Variants in KIAA1217 observed in about 807,000 individuals in gnomAD.
The protein encoded by KIAA1217 is KIAA1217.
In KIAA1217, 88 loss-of-function variants were observed where a neutral mutation model predicts 163.9. The ratio of observed to expected loss-of-function variants is 0.54; its 90% CI spans 0.45 to 0.64. KIAA1217 has a LOEUF of 0.64. KIAA1217 is among the 30% of genes least tolerant of loss of function. The probability of loss-of-function intolerance (pLI) is 0.00; values close to 1 mark genes in which losing one functional copy is unlikely to be tolerated. For missense variants in KIAA1217, 2,372 were observed against 2,475.0 expected (o/e 0.96, Z 0.88); for synonymous variants, 903 against 923.1 (o/e 0.98, Z 0.39).
chr10:24,189,992 G>A (rs1443663199), intron 2 of KIAA1217, among the ~76,000 whole-genome samples: 6 of 150,234 alleles, frequency 4.0e-5, no homozygotes, highest in African/African-American at 1.5e-4. Flanking sequence ...CTGTGCTCCA[G>A]CCTGGGTGAC....
intron 2 of KIAA1217, among the ~76,000 whole-genome samples, chr10:24,226,634 T>C (rs138343460): frequency 0.014 from 2,132 of 151,456 alleles, 40 homozygotes; most frequent in African/African-American, 0.048. Context: ...AGAGCGAGAC[T>C]CCATCTCAAA....
chr10:24,275,193 G>A (rs148544470), intron 2 of KIAA1217, among the ~76,000 whole-genome samples: 117 of 152,212 alleles, frequency 7.7e-4, no homozygotes, highest in African/African-American at 2.6e-3. Flanking sequence ...TATATTCCAG[G>A]CTGGTCTTGA....
At chr10:23,868,223 A>G (rs1015936762) in intron 1 of KIAA1217, among the ~76,000 whole-genome samples, 2 of 152,018 alleles carry the variant, frequency 1.3e-5, no homozygotes, top group Non-Finnish European at 2.9e-5. Flanking sequence ...TCAACCCACA[A>G]AATAACTCCT....
At chr10:24,522,137 C>A (rs2071386996) in intron 12 of KIAA1217, among the ~76,000 whole-genome samples, 1 of 152,058 alleles carries the variant, frequency 6.6e-6, no homozygotes, top group African/African-American at 2.4e-5. Flanking sequence ...CTAGGTGGAG[C>A]CCATCCTAGG....
chr10:24,391,154 T>C (rs761944670), intron 3 of KIAA1217, among the ~76,000 whole-genome samples: 1 of 151,990 alleles, frequency 6.6e-6, no homozygotes, highest in Non-Finnish European at 1.5e-5. Flanking sequence ...AGATGGGACA[T>C]AGGTAAAAAA....
intron 3 of KIAA1217, among the ~76,000 whole-genome samples, chr10:24,397,272 TAG>T (rs1339938708): frequency 6.6e-6 from 1 of 152,120 alleles, no homozygotes; most frequent in African/African-American, 2.4e-5. Context: ...GTATTTTTAA[TAG>T]AGACAGGATT....
At chr10:23,880,833 C>A (rs2131188285) in intron 1 of KIAA1217, among the ~76,000 whole-genome samples, 1 of 152,058 alleles carries the variant, frequency 6.6e-6, no homozygotes, top group South Asian at 2.1e-4. Context: ...ATGGACAGTT[C>A]AAGGTCACAG....
chr10:24,239,063 C>T, intron 2 of KIAA1217: 2 of 710,880 alleles, frequency 2.8e-6, no homozygotes, highest in Non-Finnish European at 3.5e-6. Flanking sequence ...TTAGGGTTTC[C>T]ATGGAGATTT....
chr10:24,369,414 C>A (rs2051258087), intron 2 of KIAA1217, among the ~76,000 whole-genome samples: 1 of 152,120 alleles, frequency 6.6e-6, no homozygotes, highest in Non-Finnish European at 1.5e-5. Flanking sequence ...TCCCTGTGGC[C>A]TTCTCCACTG....
At chr10:24,460,820 C>T (rs1343799778) in intron 5 of KIAA1217, among the ~76,000 whole-genome samples, 2 of 152,098 alleles carry the variant, frequency 1.3e-5, no homozygotes, top group Non-Finnish European at 2.9e-5. Context: ...GACGGTAACC[C>T]AGGTCCACAG....
rs777651861 is a variant in KIAA1217, at chr10:24,219,818, G to C, written c.263G>C (p.Arg88Pro). 1 of 1,613,940 alleles carries C rather than the reference G, an allele frequency of 6.2e-7. No homozygotes were observed. The highest frequency in any genetic ancestry group is 1.1e-5 in the South Asian group (1 of 91,078). Residue 88 changes from arginine to proline, a missense_variant, in exon 2 of 21, where the codon CGG becomes CCG. Transcript: ENST00000376454. ...GGAATGCAAACATCTGAGATGGATC[G>C]GAAGAGAGAAGCGTTCCTAGAACAT... is the stretch of plus-strand genomic sequence containing the variant. Reference protein sequence around the residue: ...ILGMQTSEMDRKREAFLEHLK... With the variant: ...ILGMQTSEMDPKREAFLEHLK...
intron 5 of KIAA1217, among the ~76,000 whole-genome samples, chr10:24,457,403 G>A (rs1030504209): frequency 6.7e-6 from 1 of 149,918 alleles, no homozygotes; most frequent in Non-Finnish European, 1.5e-5. Flanking sequence ...GAACAGGATC[G>A]TATTCTGTCA....
Position 24,543,519 on chromosome 10 carries a change from G to A in KIAA1217, c.4249G>A (p.Asp1417Asn), listed in dbSNP as rs200657746. The A allele has an allele frequency of 2.0e-4, 321 of 1,614,054 alleles. No homozygotes were observed. The highest frequency in any genetic ancestry group is 3.7e-4 in the Admixed American group (22 of 59,996). The change falls in exon 19 of 21, where the codon GAT becomes AAT. Residue 1417 changes from aspartate (D) to asparagine (N), a missense_variant. Physicochemically the swap from Asp to Asn is conservative, Grantham distance 23. Coordinates refer to ENST00000376454, the MANE Select transcript of KIAA1217 (RefSeq NM_019590.5). The stretch of plus-strand genomic sequence containing the variant: ...AGAAGACATACAGACGGTTAATATC[G>A]ATGCCAGAAAAGAGATGACCCCCCG... The part of the protein sequence containing the change: ...KGEDIQTVNI[D>N]ARKEMTPRQE...
Position 24,414,096 on chromosome 10 carries a change from A to G in KIAA1217, c.554-18899A>G, listed in dbSNP as rs535529787. 7.9e-5 allele frequency among the ~76,000 whole-genome samples: 12 copies of G among 152,334 alleles called. No homozygotes were observed. The South Asian group carries it at 1.0e-3, about 13-fold the overall frequency. The stretch of plus-strand genomic sequence containing the variant: ...GTTTAATGCAATACTGTTTCTCTGT[A>G]AATCTAAAACAGTCCTAAGTTTCAT... On this transcript the variant is annotated intron_variant, in intron 3 of 20. Transcript: ENST00000376454.
At chr10:23,856,758 C>G (rs1839696744) in intron 1 of KIAA1217, among the ~76,000 whole-genome samples, 1 of 152,264 alleles carries the variant, frequency 6.6e-6, no homozygotes, top group Non-Finnish European at 1.5e-5. Flanking sequence ...GCAGTTTGAT[C>G]TCAGACTGCT....
chr10:23,784,635 C>A (rs1473122503), intron 1 of KIAA1217, among the ~76,000 whole-genome samples: 1 of 151,848 alleles, frequency 6.6e-6, no homozygotes, highest in Non-Finnish European at 1.5e-5. Context: ...ATATGTTTTG[C>A]TTTGTAGTTA....
chr10:24,546,411 A>G lies in KIAA1217; in HGVS notation c.*87A>G. On this transcript the variant is annotated 3_prime_UTR_variant, in exon 21 of 21. Transcript: ENST00000376454. ...AACTGTTTTCACAAGAGAATGTAAC[A>G]TATTGCTGTATCGTTTGAGGCTTAA... The G allele has an allele frequency of 7.7e-7, 1 of 1,297,098 alleles. No individual in the cohort carries two copies. 80.3% of individuals were successfully genotyped at this position (1,297,098 alleles called of 1,614,324 possible). A position where few individuals can be genotyped will look rare whatever the true frequency, so the allele number is the denominator to read the frequency against.
chr10:24,541,970 A>C (rs949068097), intron 17 of KIAA1217, among the ~76,000 whole-genome samples: 2 of 152,250 alleles, frequency 1.3e-5, no homozygotes, highest in African/African-American at 4.8e-5. Context: ...TTGTAACAGC[A>C]TGATCACTCT....
chr10:24,154,209 G>A (rs2064769461), intron 2 of KIAA1217, among the ~76,000 whole-genome samples: 1 of 151,738 alleles, frequency 6.6e-6, no homozygotes, highest in Admixed American at 6.6e-5. Context: ...CGCCCGCCTC[G>A]GCCTCCCAAA....
Sources: allele counts gnomAD v4.1 joint callset (sites outside exome capture counted in the v4.1 genomes callset), GRCh38; gene constraint gnomAD v4.1.1; transcripts MANE v1.5; gene names NCBI Gene and HGNC (gene_info 2026-07-23, HGNC 2026-07-21).